NUP98: variants seen among roughly 807,000 people sequenced by gnomAD.
NUP98 encodes the protein nucleoporin 98 and 96 precursor, also known as nuclear pore complex protein Nup98-Nup96.
NUP98 carries 26 observed loss-of-function variants against 191.9 expected under a neutral mutation model. The observed-to-expected ratio is 0.14, with a 90% CI of 0.10 to 0.19. NUP98 has a LOEUF of 0.19. Among genes scored for constraint, NUP98 ranks in the 10% least tolerant of loss-of-function variants. The pLI, the probability that NUP98 is intolerant of heterozygous loss-of-function variation, is 1.00. For missense variants in NUP98, 1,941 were observed against 2,178.8 expected (o/e 0.89, Z 2.17); for synonymous variants, 808 against 778.4 (o/e 1.04, Z -0.63).
intron 1 of NUP98, among the ~76,000 whole-genome samples, chr11:3,784,644 C>T (rs1482712161): frequency 5.3e-5 from 8 of 150,540 alleles, no homozygotes; most frequent in African/African-American, 2.0e-4. Context: ...GCTCCAGCTA[C>T]TAGTGAGGTT....
rs369308935 is a variant in NUP98 at position 3,785,002 on chromosome 11, G to A, written c.-28-2857C>T. ...AAAATACAAAAATTAGCCAGGTGTGGTGGCAGGCGCCTGCCGTCCCAGCTA... is the reference window on the plus strand; with the variant it reads ...AAAATACAAAAATTAGCCAGGTGTGATGGCAGGCGCCTGCCGTCCCAGCTA... On this transcript the variant is annotated intron_variant, in intron 1 of 32. Coordinates refer to ENST00000324932, the MANE Select transcript of NUP98 (RefSeq NM_016320.5). Among the ~76,000 whole-genome samples the A allele has an allele frequency of 4.6e-5, 7 of 152,012 alleles. No individual in the cohort carries two copies. The East Asian group carries it at 7.8e-4, about 17-fold the overall frequency.
chr11:3,719,701 G>A lies in NUP98; in HGVS notation c.2261-151C>T, dbSNP rs905257663. The A allele has an allele frequency of 1.1e-5, 5 of 452,422 alleles. No individual in the cohort carries two copies. In the African/African-American group the frequency reaches 2.0e-4, roughly 18 times the overall value. The allele number at this position is 452,422 out of a possible 1,614,324, so 28.0% of individuals were successfully genotyped here. A position where few individuals can be genotyped will look rare whatever the true frequency, so the allele number is the denominator to read the frequency against. On this transcript the variant is annotated intron_variant, in intron 17 of 32. Transcript: ENST00000324932. ...GCAATTCCTAGACTGGTAAGAATGG[G>A]GACTTAGGGAGAGTAACTTCAATTA...
chr11:3,706,562 G>A lies in NUP98; in HGVS notation c.2808C>T (p.Ile936=). Residue 936 remains isoleucine, a synonymous_variant, in exon 21 of 33, where the codon ATC becomes ATT. Transcript: ENST00000324932. ...TGGTATCCAAAACTGGCTCCTGGGT[G>A]ATATCTACCATGTCACTGTCCAGTT... The part of the protein sequence containing the change: ...VVELDSDMVD[I]TQEPVLDTML... 1 of 1,614,112 alleles carries A rather than the reference G, an allele frequency of 6.2e-7. No individual in the cohort carries two copies.
At chr11:3,719,297 G>C (rs1185232950) in intron 18 of NUP98, 115 bp downstream of exon 18, 1 of 711,230 alleles carries the variant, frequency 1.4e-6, no homozygotes, top group Admixed American at 3.0e-5. Context: ...GACAATAAAT[G>C]TACTCTATAG....
At chr11:3,792,620 G>GAAAC (rs1049343151) in intron 1 of NUP98, among the ~76,000 whole-genome samples, 1 of 151,642 alleles carries the variant, frequency 6.6e-6, no homozygotes, top group Admixed American at 6.6e-5. Flanking sequence ...CAAAAACAAA[G>GAAAC]AAACAAACAA....
At chr11:3,791,530 T>C (rs1412710079) in intron 1 of NUP98, among the ~76,000 whole-genome samples, 12 of 58,448 alleles carry the variant, frequency 2.1e-4, no homozygotes, top group African/African-American at 8.8e-4. Context: ...CGAGACCTCG[T>C]CTCAAAAAAA....
intron 12 of NUP98, among the ~76,000 whole-genome samples, chr11:3,736,379 G>A (rs892204026): frequency 1.3e-5 from 2 of 152,160 alleles, no homozygotes; most frequent in South Asian, 2.1e-4. Context: ...AGTTGTAGGC[G>A]GGGTGCAGTG....
chr11:3,771,594 T>G (rs950675299), intron 7 of NUP98, among the ~76,000 whole-genome samples, 154 bp downstream of exon 7: 1 of 152,236 alleles, frequency 6.6e-6, no homozygotes, highest in African/African-American at 2.4e-5. Context: ...TCTTTCTCCC[T>G]TTCCCCACAT....
chr11:3,730,529 T>A (rs564451408), intron 14 of NUP98, among the ~76,000 whole-genome samples: 1 of 152,040 alleles, frequency 6.6e-6, no homozygotes, highest in Non-Finnish European at 1.5e-5. Context: ...CATGCCCAGC[T>A]AATTTTGTAT....
At chr11:3,783,172 G>A (rs1028134427) in intron 1 of NUP98, among the ~76,000 whole-genome samples, 1 of 152,110 alleles carries the variant, frequency 6.6e-6, no homozygotes, top group Non-Finnish European at 1.5e-5. Flanking sequence ...CGGGCTGATT[G>A]CTTGAGCCCA....
chr11:3,794,735 C>T (rs1224912031), intron 1 of NUP98, among the ~76,000 whole-genome samples: 1 of 152,058 alleles, frequency 6.6e-6, no homozygotes, highest in Non-Finnish European at 1.5e-5. Flanking sequence ...TGATTTCAGC[C>T]TCCTAAGTAG....
intron 12 of NUP98, among the ~76,000 whole-genome samples, chr11:3,740,577 C>T (rs559636149): frequency 1.3e-4 from 19 of 151,748 alleles, no homozygotes; most frequent in African/African-American, 4.6e-4. Flanking sequence ...CTCCTAATCA[C>T]TGATGCTCAA....
intron 1 of NUP98, among the ~76,000 whole-genome samples, chr11:3,785,798 T>G (rs1158239188): frequency 6.6e-6 from 1 of 152,154 alleles, no homozygotes; most frequent in African/African-American, 2.4e-5. Context: ...TACAGATATT[T>G]GCATTAACTA....
intron 18 of NUP98, among the ~76,000 whole-genome samples, chr11:3,715,811 G>T (rs2079162406): frequency 6.6e-6 from 1 of 151,998 alleles, no homozygotes; most frequent in Non-Finnish European, 1.5e-5. Flanking sequence ...TAGATACAGG[G>T]TCTTCCTATT....
intron 4 of NUP98, among the ~76,000 whole-genome samples, chr11:3,778,374 T>TA (rs1008627064): frequency 1.3e-5 from 2 of 152,084 alleles, no homozygotes; most frequent in African/African-American, 2.4e-5. Context: ...TGTTTGGACT[T>TA]AAAGTGAAAA....
chr11:3,710,866 T>C (rs10500588), intron 20 of NUP98, among the ~76,000 whole-genome samples: 2,867 of 152,288 alleles, frequency 0.019, 89 homozygotes, highest in African/African-American at 0.066. Flanking sequence ...GACATTTAAA[T>C]ACCTCTATCC....
intron 28 of NUP98, among the ~76,000 whole-genome samples, chr11:3,691,074 T>C (rs2078297554): frequency 6.6e-6 from 1 of 152,210 alleles, no homozygotes; most frequent in African/African-American, 2.4e-5. Context: ...AGCTTAGCTG[T>C]AATGGTAGTT....
intron 20 of NUP98, among the ~76,000 whole-genome samples, chr11:3,711,078 T>A (rs977876088): frequency 5.3e-5 from 8 of 151,956 alleles, no homozygotes; most frequent in African/African-American, 1.9e-4. Flanking sequence ...AAATCCCCTC[T>A]CTACTAAAAA....
At chr11:3,727,201 T>G (rs779787120) in intron 14 of NUP98, among the ~76,000 whole-genome samples, 5 of 152,094 alleles carry the variant, frequency 3.3e-5, no homozygotes, top group Non-Finnish European at 2.9e-5. Flanking sequence ...TGAACACAGT[T>G]GTGCACACAC....
Sources: allele counts gnomAD v4.1 joint callset (sites outside exome capture counted in the v4.1 genomes callset), GRCh38; gene constraint gnomAD v4.1.1; transcripts MANE v1.5; gene names NCBI Gene and HGNC (gene_info 2026-07-23, HGNC 2026-07-21).